RPSA2: variants seen among roughly 807,000 people sequenced by gnomAD.
RPSA2 encodes the protein ribosomal protein SA 2, also known as small ribosomal subunit protein uS2B.
chr19:23,865,758 C>G, the RPSA2 span, among the ~76,000 whole-genome samples: 1 of 152,156 alleles, frequency 6.6e-6, no homozygotes, highest in African/African-American at 2.4e-5. Context: ...TTATGCTTTT[C>G]CTATTACCAT....
the RPSA2 span, chr19:23,827,098 C>T: frequency 1.3e-6 from 1 of 747,842 alleles, no homozygotes; most frequent in African/African-American, 1.7e-5. Context: ...TCCGCGCTAC[C>T]TGCAGAGGGG....
chr19:23,795,620 A>G, the RPSA2 span, among the ~76,000 whole-genome samples: 1 of 151,986 alleles, frequency 6.6e-6, no homozygotes, highest in East Asian at 1.9e-4. Flanking sequence ...GTCTGCAAAA[A>G]GGGATAGCTT....
At chr19:23,777,832 A>G in the RPSA2 span, among the ~76,000 whole-genome samples, 2 of 152,130 alleles carry the variant, frequency 1.3e-5, no homozygotes, top group African/African-American at 2.4e-5. Flanking sequence ...GCTGGTTTCA[A>G]TACCCAGGTG....
chr19:23,842,156 A>G, the RPSA2 span, among the ~76,000 whole-genome samples: 1 of 152,212 alleles, frequency 6.6e-6, no homozygotes, highest in Non-Finnish European at 1.5e-5. Context: ...ATTTTAACAA[A>G]ATCTCCAGGT....
the RPSA2 span, among the ~76,000 whole-genome samples, chr19:23,820,598 G>C: frequency 6.6e-6 from 1 of 152,192 alleles, no homozygotes; most frequent in Non-Finnish European, 1.5e-5. Flanking sequence ...GTCCTTTATA[G>C]TGCATAACAG....
the RPSA2 span, chr19:23,819,053 C>A: frequency 6.6e-6 from 1 of 152,112 alleles, no homozygotes; most frequent in African/African-American, 2.4e-5. Context: ...CATGTTTATA[C>A]CTAGCATGGA....
the RPSA2 span, chr19:23,827,978 A>G: frequency 5.6e-6 from 5 of 888,658 alleles, no homozygotes; most frequent in Non-Finnish European, 8.9e-6. Flanking sequence ...TCAGCCTGCC[A>G]CGGAAGACTG....
chr19:23,833,261 C>T, the RPSA2 span: 1 of 955,624 alleles, frequency 1.0e-6, no homozygotes, highest in Non-Finnish European at 1.3e-6. Flanking sequence ...ATCCTTACAA[C>T]TTAATGCACA....
At chr19:23,832,623 G>A in the RPSA2 span, 1 of 1,416,836 alleles carries the variant, frequency 7.1e-7, no homozygotes, top group Admixed American at 2.0e-5. Flanking sequence ...ATTCATACTG[G>A]GAGAGACCCT....
the RPSA2 span, among the ~76,000 whole-genome samples, chr19:23,844,258 A>G: frequency 6.6e-6 from 1 of 152,198 alleles, no homozygotes; most frequent in African/African-American, 2.4e-5. Flanking sequence ...TTGTTATTAT[A>G]CTTGTCTTTG....
the RPSA2 span, among the ~76,000 whole-genome samples, chr19:23,812,739 G>A: frequency 6.6e-6 from 1 of 152,088 alleles, no homozygotes; most frequent in Non-Finnish European, 1.5e-5. Flanking sequence ...TTGTCTAAGT[G>A]AGTAGCCTTG....
the RPSA2 span, among the ~76,000 whole-genome samples, chr19:23,824,764 ATTCT>A: frequency 6.6e-6 from 1 of 150,584 alleles, no homozygotes; most frequent in East Asian, 1.9e-4. Context: ...TATTTTGGAA[ATTCT>A]TTATTTTCAT....
the RPSA2 span, chr19:23,763,105 C>G: frequency 6.4e-6 from 1 of 156,412 alleles, no homozygotes. Context: ...GGGAGACGCA[C>G]AGCCAGGACA....
chr19:23,870,928 G>T, the RPSA2 span, among the ~76,000 whole-genome samples: 30 of 152,302 alleles, frequency 2.0e-4, no homozygotes, highest in African/African-American at 6.5e-4. Context: ...GACACTGGAA[G>T]GTATGCTAAG....
At chr19:23,857,485 C>CTT in the RPSA2 span, among the ~76,000 whole-genome samples, 2,150 of 95,150 alleles carry the variant, frequency 0.023, 86 homozygotes, top group African/African-American at 0.046. Context: ...TTTTTAAAGT[C>CTT]TTTTTTTTTT....
the RPSA2 span, chr19:23,832,346 G>T: frequency 2.1e-6 from 1 of 479,208 alleles, no homozygotes. Flanking sequence ...TGGTCCTCAG[G>T]CCTTACTGAA....
the RPSA2 span, among the ~76,000 whole-genome samples, chr19:23,846,667 A>G: frequency 6.6e-6 from 1 of 152,088 alleles, no homozygotes; most frequent in African/African-American, 2.4e-5. Context: ...TTTTCTTTCA[A>G]CACTCTAAAA....
At chr19:23,852,509 C>A in the RPSA2 span, among the ~76,000 whole-genome samples, 2 of 152,304 alleles carry the variant, frequency 1.3e-5, no homozygotes, top group East Asian at 3.9e-4. Flanking sequence ...CTAAAAGTAT[C>A]CCTTAAGGAA....
the RPSA2 span, among the ~76,000 whole-genome samples, chr19:23,866,328 C>T: frequency 1.3e-5 from 2 of 152,180 alleles, no homozygotes; most frequent in African/African-American, 4.8e-5. Context: ...ATAGCTCTAG[C>T]CTATGAAATG....
Sources: allele counts gnomAD v4.1 joint callset (sites outside exome capture counted in the v4.1 genomes callset), GRCh38; gene constraint gnomAD v4.1.1; transcripts MANE v1.5; gene names NCBI Gene and HGNC (gene_info 2026-07-23, HGNC 2026-07-21).